SLC24A3: variants seen among roughly 807,000 people sequenced by gnomAD.
The protein encoded by SLC24A3 is sodium/potassium/calcium exchanger 3.
In SLC24A3, 28 loss-of-function variants were observed where a neutral mutation model predicts 75.8. The observed-to-expected ratio is 0.37, with a 90% CI of 0.27 to 0.51. SLC24A3 has a LOEUF of 0.51. Ranked by LOEUF, SLC24A3 falls within the 20% of genes least tolerant of loss-of-function variation. SLC24A3 has a pLI of 0.94. For missense variants in SLC24A3, 663 were observed against 847.8 expected, an observed-to-expected ratio of 0.78 and a Z score of 2.71; for synonymous variants, 372 against 334.1, an observed-to-expected ratio of 1.11 and a Z score of -1.24.
chr20:19,570,406 T>G (rs760745049), intron 3 of SLC24A3, among the ~76,000 whole-genome samples: 9 of 152,136 alleles, frequency 5.9e-5, no homozygotes, highest in Non-Finnish European at 1.2e-4. Flanking sequence ...CAAGGAGTTT[T>G]ATGGAAGCAG....
intron 15 of SLC24A3, among the ~76,000 whole-genome samples, chr20:19,704,960 G>A (rs574208941): frequency 6.6e-6 from 1 of 152,140 alleles, no homozygotes; most frequent in Non-Finnish European, 1.5e-5. Flanking sequence ...CCAGAAAGAG[G>A]CAGAGAGGAG....
intron 1 of SLC24A3, among the ~76,000 whole-genome samples, chr20:19,258,516 C>T (rs1982883482): frequency 6.6e-6 from 1 of 152,086 alleles, no homozygotes; most frequent in African/African-American, 2.4e-5. Context: ...CCAGCCTCAC[C>T]AATATGGTGA....
At chr20:19,457,720 C>A (rs7263895) in intron 2 of SLC24A3, among the ~76,000 whole-genome samples, 9,666 of 152,222 alleles carry the variant, frequency 0.063, 946 homozygotes, top group African/African-American at 0.21. Flanking sequence ...CCTCAAATTC[C>A]ATTTGAGGAC....
intron 2 of SLC24A3, among the ~76,000 whole-genome samples, chr20:19,405,193 G>T (rs1293307527): frequency 6.6e-6 from 1 of 152,084 alleles, no homozygotes. Context: ...CTAGTCCCCA[G>T]GTCTCCAGAG....
At chr20:19,563,660 C>A (rs2030913440) in intron 3 of SLC24A3, among the ~76,000 whole-genome samples, 2 of 152,160 alleles carry the variant, frequency 1.3e-5, no homozygotes, top group African/African-American at 4.8e-5. Flanking sequence ...GGTTGCTTGC[C>A]CTTGATTGGC....
intron 6 of SLC24A3, among the ~76,000 whole-genome samples, chr20:19,639,522 G>A (rs1011987847): frequency 6.6e-6 from 1 of 152,238 alleles, no homozygotes; most frequent in African/African-American, 2.4e-5. Flanking sequence ...TAGACATAAA[G>A]GTTCTCCACG....
intron 6 of SLC24A3, among the ~76,000 whole-genome samples, chr20:19,642,857 C>A (rs1290766748): frequency 6.6e-6 from 1 of 152,226 alleles, no homozygotes; most frequent in Non-Finnish European, 1.5e-5. Flanking sequence ...TATTGTCCAA[C>A]ACAGATCAAA....
chr20:19,274,508 C>G (rs924276246), intron 1 of SLC24A3, among the ~76,000 whole-genome samples: 1 of 152,108 alleles, frequency 6.6e-6, no homozygotes, highest in African/African-American at 2.4e-5. Context: ...CTCCAGCATC[C>G]TCCTCTCCTT....
At chr20:19,475,304 A>C (rs6081610) in intron 2 of SLC24A3, among the ~76,000 whole-genome samples, 88,921 of 150,942 alleles carry the variant, frequency 0.59, 26,379 homozygotes, top group East Asian at 0.72. Context: ...GCGCCACTAC[A>C]CTCCAGCCTG....
At chr20:19,228,931 A>C (rs1981942252) in intron 1 of SLC24A3, among the ~76,000 whole-genome samples, 1 of 152,146 alleles carries the variant, frequency 6.6e-6, no homozygotes, top group Non-Finnish European at 1.5e-5. Flanking sequence ...TGAATTGATA[A>C]TTTCTATGTT....
chr20:19,715,936 A>G (rs2033040879), intron 15 of SLC24A3, among the ~76,000 whole-genome samples: 1 of 152,250 alleles, frequency 6.6e-6, no homozygotes, highest in Non-Finnish European at 1.5e-5. Flanking sequence ...AGCATTTCCA[A>G]GAAAACATGT....
At chr20:19,691,084 CAT>C (rs2032739766) in intron 12 of SLC24A3, among the ~76,000 whole-genome samples, 1 of 152,204 alleles carries the variant, frequency 6.6e-6, no homozygotes, top group Non-Finnish European at 1.5e-5. Flanking sequence ...CCCCTGTTCT[CAT>C]AGACTTTATT....
intron 2 of SLC24A3, among the ~76,000 whole-genome samples, chr20:19,351,970 G>A (rs1291407022): frequency 6.6e-6 from 1 of 152,066 alleles, no homozygotes; most frequent in Non-Finnish European, 1.5e-5. Flanking sequence ...AGCAGAGCCT[G>A]AGGTGAGGAC....
intron 1 of SLC24A3, among the ~76,000 whole-genome samples, chr20:19,220,690 C>T (rs186808457): frequency 1.3e-5 from 2 of 152,326 alleles, no homozygotes; most frequent in Admixed American, 1.3e-4. Context: ...AACATTACAT[C>T]TATGGTTAGC....
chr20:19,221,546 T>C (rs1484554214), intron 1 of SLC24A3, among the ~76,000 whole-genome samples: 2 of 152,210 alleles, frequency 1.3e-5, no homozygotes, highest in Non-Finnish European at 2.9e-5. Flanking sequence ...GATTCAAGAC[T>C]GTATGTGCTT....
At chr20:19,598,775 T>C (rs1355897358) in intron 6 of SLC24A3, among the ~76,000 whole-genome samples, 1 of 152,112 alleles carries the variant, frequency 6.6e-6, no homozygotes, top group Non-Finnish European at 1.5e-5. Flanking sequence ...ACTTTACTTT[T>C]TCCACTCTCT....
intron 3 of SLC24A3, among the ~76,000 whole-genome samples, chr20:19,530,637 A>G (rs1041470452): frequency 1.3e-5 from 2 of 152,210 alleles, no homozygotes; most frequent in African/African-American, 2.4e-5. Context: ...TGTGATTTAT[A>G]TAGTAAAAGA....
At chr20:19,419,621 G>A (rs1053560967) in intron 2 of SLC24A3, among the ~76,000 whole-genome samples, 1 of 152,112 alleles carries the variant, frequency 6.6e-6, no homozygotes, top group African/African-American at 2.4e-5. Context: ...ATCCTGAGGG[G>A]AGGGATGTGA....
chr20:19,380,491 G>A (rs1986162152), intron 2 of SLC24A3, among the ~76,000 whole-genome samples: 1 of 152,154 alleles, frequency 6.6e-6, no homozygotes, highest in African/African-American at 2.4e-5. Context: ...ATTTTGGAAA[G>A]GTCTCTCTGG....
Sources: allele counts gnomAD v4.1 joint callset (sites outside exome capture counted in the v4.1 genomes callset), GRCh38; gene constraint gnomAD v4.1.1; transcripts MANE v1.5; gene names NCBI Gene and HGNC (gene_info 2026-07-23, HGNC 2026-07-21).